The following TENT4B variants were observed in gnomAD, a reference collection of about 807,000 sequenced individuals.
TENT4B encodes the protein PAP associated domain containing 5.
In TENT4B, 10 loss-of-function variants were observed where a neutral mutation model predicts 75.0. The observed-to-expected ratio is 0.13, with a 90% confidence interval of 0.08 to 0.23. TENT4B has a LOEUF of 0.23. Ranked by LOEUF, TENT4B falls within the 10% of genes least tolerant of loss-of-function variation. TENT4B has a pLI of 1.00. For synonymous variants in TENT4B, 350 were observed against 357.7 expected (o/e 0.98, Z 0.24); for missense variants, 579 against 893.8 (o/e 0.65, Z 4.49).
In TENT4B at chr16:50,230,867, AATGTGT is replaced by A; in HGVS notation, c.*1543_*1548del. ...GGTGAAAGCTCTTATGTTTAGCATC[AATGTGT>A]ATGGCTCTGTTAAATGCAGCCATTT... is the stretch of plus-strand genomic sequence containing the variant. On this transcript the variant is annotated 3_prime_UTR_variant, in exon 12 of 12. Transcript: ENST00000561678. 1.0e-6 allele frequency: 1 copy of A among 985,602 alleles called. No individual in the cohort carries two copies. 61.1% of individuals were successfully genotyped at this position (985,602 alleles called of 1,614,324 possible).
chr16:50,212,041 T>A (rs1012318823), intron 2 of TENT4B, among the ~76,000 whole-genome samples: 2 of 152,136 alleles, frequency 1.3e-5, no homozygotes, highest in Non-Finnish European at 2.9e-5. Flanking sequence ...TATTTGTCGT[T>A]TTTGTTACTG....
At chr16:50,165,874 G>T (rs1014756996) in intron 1 of TENT4B, among the ~76,000 whole-genome samples, 26 of 152,084 alleles carry the variant, frequency 1.7e-4, no homozygotes, top group Admixed American at 1.6e-3. Context: ...GAATATTACT[G>T]CTGTAGACGT....
In TENT4B at chr16:50,233,665, T is replaced by C. The variant is rs1163039101; in HGVS notation, c.*4337T>C. On this transcript the variant is annotated 3_prime_UTR_variant, in exon 12 of 12. Transcript: ENST00000561678. Reference sequence around the variant, plus strand: ...GTTAATAAACTGCTAATGTTTATTTTACTGTCTCTCAGGTTTTTGGTTTTT... The same window carrying C: ...GTTAATAAACTGCTAATGTTTATTTCACTGTCTCTCAGGTTTTTGGTTTTT... The C allele has an allele frequency of 3.7e-5, 36 of 980,884 alleles. No homozygotes were observed. The Admixed American group carries it at 1.3e-3, about 35-fold the overall frequency. 60.8% of individuals were successfully genotyped at this position (980,884 alleles called of 1,614,324 possible). A position where few individuals can be genotyped will look rare whatever the true frequency, so the allele number is the denominator to read the frequency against.
intron 1 of TENT4B, among the ~76,000 whole-genome samples, chr16:50,161,800 A>G (rs2038006626): frequency 6.6e-6 from 1 of 152,212 alleles, no homozygotes; most frequent in African/African-American, 2.4e-5. Flanking sequence ...TGCAATCCAT[A>G]AGCCTTTTTT....
chr16:50,185,906 C>T (rs1040225564), intron 1 of TENT4B, among the ~76,000 whole-genome samples: 16 of 152,054 alleles, frequency 1.1e-4, no homozygotes, highest in African/African-American at 3.9e-4. Context: ...TATTAGTACA[C>T]TATTGTCTGT....
intron 5 of TENT4B, among the ~76,000 whole-genome samples, chr16:50,219,020 C>G (rs1685872706): frequency 6.6e-6 from 1 of 151,894 alleles, no homozygotes; most frequent in Non-Finnish European, 1.5e-5. Flanking sequence ...GCATTATCAT[C>G]TTGCATAAAT....
intron 1 of TENT4B, among the ~76,000 whole-genome samples, chr16:50,196,091 A>T (rs1421329883): frequency 6.6e-6 from 1 of 152,236 alleles, no homozygotes; most frequent in African/African-American, 2.4e-5. Flanking sequence ...TTTAAGAGAA[A>T]TTAGGTGGTA....
At chr16:50,206,223 G>A (rs572040178) in intron 1 of TENT4B, among the ~76,000 whole-genome samples, 1 of 152,116 alleles carries the variant, frequency 6.6e-6, no homozygotes, top group South Asian at 2.1e-4. Flanking sequence ...AAACATTATC[G>A]TTTGTTAGTA....
At chr16:50,211,172 C>T in intron 1 of TENT4B, 151 bp from the exon 2 acceptor site, 1 of 822,060 alleles carries the variant, frequency 1.2e-6, no homozygotes. Context: ...AAATTCTGTA[C>T]ATTCCCATTT....
intron 3 of TENT4B, 60 bp downstream of exon 3, chr16:50,214,327 CA>C: frequency 7.3e-7 from 1 of 1,361,244 alleles, no homozygotes; most frequent in South Asian, 1.3e-5. Flanking sequence ...TTTTGGCTGT[CA>C]AATTTGTAAG....
At chr16:50,175,717 G>C (rs977345305) in intron 1 of TENT4B, among the ~76,000 whole-genome samples, 1 of 152,006 alleles carries the variant, frequency 6.6e-6, no homozygotes, top group African/African-American at 2.4e-5. Flanking sequence ...TGATCCGCCC[G>C]CCTCAGCCTC....
At chr16:50,191,957 A>C (rs2038648522) in intron 1 of TENT4B, among the ~76,000 whole-genome samples, 1 of 151,844 alleles carries the variant, frequency 6.6e-6, no homozygotes, top group African/African-American at 2.4e-5. Flanking sequence ...ATATATCATT[A>C]ATAGGCCGGG....
chr16:50,217,326 C>T (rs996024290), intron 4 of TENT4B, among the ~76,000 whole-genome samples: 4 of 151,964 alleles, frequency 2.6e-5, no homozygotes, highest in Admixed American at 6.6e-5. Context: ...ACAAAATTCT[C>T]GGTTGATAGA....
chr16:50,180,708 C>A (rs79874434), intron 1 of TENT4B, among the ~76,000 whole-genome samples: 304 of 126,650 alleles, frequency 2.4e-3, no homozygotes, highest in Middle Eastern at 4.3e-3. Flanking sequence ...GACTCCATCT[C>A]AAAAAAAAAA....
chr16:50,172,063 G>A (rs1476260775), intron 1 of TENT4B, among the ~76,000 whole-genome samples: 3 of 151,066 alleles, frequency 2.0e-5, no homozygotes, highest in African/African-American at 4.9e-5. Flanking sequence ...TAAAAATACA[G>A]TGTAGGCCAG....
In TENT4B at chr16:50,225,095, C is replaced by G; in HGVS notation, c.1613-3C>G. On this transcript the variant is annotated splice_region_variant and splice_polypyrimidine_tract_variant and intron_variant, in intron 9 of 11. Transcript: ENST00000561678. Reference sequence around the variant, plus strand: ...GTTTTCCAATCTTTTGCCACTCTTTCAGGAAATGGTGTTACCTTGATAGTA... The same window carrying G: ...GTTTTCCAATCTTTTGCCACTCTTTGAGGAAATGGTGTTACCTTGATAGTA... The G allele has an allele frequency of 6.2e-7, 1 of 1,609,666 alleles. No individual in the cohort carries two copies. Among genetic ancestry groups the G allele is most frequent in the Non-Finnish European group, 8.5e-7 (1 of 1,177,160 alleles).
In TENT4B at chr16:50,204,643, C is replaced by T. The variant is rs371374251; in HGVS notation, c.639-6680C>T. Among the ~76,000 whole-genome samples, 8 of 152,260 alleles carry T rather than the reference C, an allele frequency of 5.3e-5. No individual in the cohort carries two copies. In the South Asian group the frequency reaches 6.2e-4, roughly 12 times the overall value. The stretch of plus-strand genomic sequence containing the variant: ...CATCACCCCAGGGCCTTGAGTCACT[C>T]GCTTCTCTTGGTGTCTAGGCAGGCT... On this transcript the variant is annotated intron_variant, in intron 1 of 11. Coordinates refer to ENST00000561678, the MANE Select transcript of TENT4B (RefSeq NM_001365324.3).
rs559251959 is a variant in TENT4B at position 50,171,623 on chromosome 16, A to G, written c.638+17364A>G. 6.1e-4 allele frequency among the ~76,000 whole-genome samples: 93 copies of G among 152,224 alleles called. 1 individual carries two copies. Among genetic ancestry groups the G allele is most frequent in the Non-Finnish European group, 3.2e-4 (22 of 68,000 alleles). ...TTTGTACAACACAGGCTGGATCTGT[A>G]TGGGTCCACTTATATGTGGATTTTT... On this transcript the variant is annotated intron_variant, in intron 1 of 11. Coordinates refer to ENST00000561678, the MANE Select transcript of TENT4B (RefSeq NM_001365324.3).
Position 50,224,962 on chromosome 16 carries a change from G to A in TENT4B, c.1580G>A (p.Gly527Asp). The A allele has an allele frequency of 6.2e-7, 1 of 1,613,860 alleles. No individual in the cohort carries two copies. The highest frequency in any genetic ancestry group is 8.5e-7 in the Non-Finnish European group (1 of 1,179,794). Residue 527 changes from glycine (G) to aspartate (D), a missense_variant, in exon 9 of 12, where the codon GGC becomes GAC. Coordinates refer to ENST00000561678, the MANE Select transcript of TENT4B (RefSeq NM_001365324.3). The stretch of plus-strand genomic sequence containing the variant: ...AGAGATTGGATATCAAAGCAGTGGG[G>A]CTTGAAGAATAGACCTGAGCCTTCA... ...TYRDWISKQW[G>D]LKNRPEPSCN...
Sources: gnomAD v4.1 joint callset for allele counts (sites outside exome capture counted in the v4.1 genomes callset) on GRCh38, gnomAD v4.1.1 for gene constraint, MANE v1.5 for transcripts, NCBI Gene and HGNC (gene_info 2026-07-23, HGNC 2026-07-21) for gene names.